Variants in MGAT5 observed in about 807,000 individuals in gnomAD.
The protein encoded by MGAT5 is alpha-1,6-mannosylglycoprotein 6-beta-N-acetylglucosaminyltransferase A.
In MGAT5, 30 loss-of-function variants were observed where a neutral mutation model predicts 94.3. The observed-to-expected ratio is 0.32, with a 90% CI of 0.24 to 0.43. The LOEUF (loss-of-function observed/expected upper bound fraction) is 0.43, where lower values mean the gene tolerates loss of function less well. MGAT5 is among the 20% of genes least tolerant of loss of function. MGAT5 has a pLI of 1.00. For synonymous variants in MGAT5, 310 were observed against 322.9 expected, an observed-to-expected ratio of 0.96 and a Z score of 0.43; for missense variants, 691 against 905.5, an observed-to-expected ratio of 0.76 and a Z score of 3.04.
chr2:134,161,875 T>C (rs1687750114), intron 1 of MGAT5, among the ~76,000 whole-genome samples: 1 of 152,068 alleles, frequency 6.6e-6, no homozygotes, highest in South Asian at 2.1e-4. Context: ...ATTTGGAGAT[T>C]GGTGAAGTGA....
At chr2:134,287,403 G>A (rs1231139621) in intron 2 of MGAT5, among the ~76,000 whole-genome samples, 1 of 152,118 alleles carries the variant, frequency 6.6e-6, no homozygotes, top group Non-Finnish European at 1.5e-5. Context: ...TCATCTGAGA[G>A]TTTTTCTTTT....
intron 1 of MGAT5, among the ~76,000 whole-genome samples, chr2:134,262,148 TG>T (rs1347554379): frequency 1.6e-4 from 24 of 152,376 alleles, no homozygotes; most frequent in African/African-American, 5.5e-4. Context: ...ATAGGCTTGT[TG>T]TAAGGATTAC....
At chr2:134,279,527 A>G (rs141098330) in intron 2 of MGAT5, among the ~76,000 whole-genome samples, 9 of 152,334 alleles carry the variant, frequency 5.9e-5, no homozygotes, top group African/African-American at 2.2e-4. Flanking sequence ...CAAGGAATAC[A>G]TGGCTTGTTT....
intron 2 of MGAT5, among the ~76,000 whole-genome samples, chr2:134,281,319 C>G (rs2105717411): frequency 6.6e-6 from 1 of 152,300 alleles, no homozygotes; most frequent in Non-Finnish European, 1.5e-5. Flanking sequence ...TTTATCCAAC[C>G]TATGCGGACA....
intron 6 of MGAT5, among the ~76,000 whole-genome samples, chr2:134,339,065 T>C (rs1688490088): frequency 6.6e-6 from 1 of 152,168 alleles, no homozygotes; most frequent in Non-Finnish European, 1.5e-5. Context: ...CTAAAAAACT[T>C]AAAAATGAGT....
At chr2:134,288,120 T>G (rs369884562) in intron 2 of MGAT5, among the ~76,000 whole-genome samples, 3 of 152,340 alleles carry the variant, frequency 2.0e-5, no homozygotes, top group African/African-American at 7.2e-5. Context: ...CTCCTTTATT[T>G]TTGCTGGTTT....
intron 1 of MGAT5, among the ~76,000 whole-genome samples, chr2:134,236,509 T>C (rs1257195): frequency 0.67 from 101,157 of 152,030 alleles, 33,737 homozygotes; most frequent in South Asian, 0.69. Context: ...GATAGTGAGT[T>C]CTTACAAGAT....
intron 11 of MGAT5, among the ~76,000 whole-genome samples, chr2:134,405,981 A>G (rs925925763): frequency 3.9e-5 from 6 of 152,238 alleles, no homozygotes; most frequent in African/African-American, 1.2e-4. Flanking sequence ...TAATTGGGGT[A>G]TAAACTTGGA....
intron 9 of MGAT5, among the ~76,000 whole-genome samples, chr2:134,361,815 A>G (rs1680113780): frequency 1.3e-5 from 2 of 152,184 alleles, no homozygotes; most frequent in Admixed American, 6.5e-5. Context: ...ACCTCCTGTT[A>G]TGTAGCTGGG....
In MGAT5 at chr2:134,150,233, T is replaced by C. The variant is rs376336644; in HGVS notation, c.-143+29942T>C. ...CCCTGGCCTCCTAGCGTCTTGATAGTAGTGTGTTTACCCCTATCAGCAAGG... is the reference window on the plus strand; with the variant it reads ...CCCTGGCCTCCTAGCGTCTTGATAGCAGTGTGTTTACCCCTATCAGCAAGG... On this transcript the variant is annotated intron_variant, in intron 1 of 16. Transcript: ENST00000409645. 1.7e-4 allele frequency among the ~76,000 whole-genome samples: 26 copies of C among 152,302 alleles called. 1 individual carries two copies. The East Asian group carries it at 4.8e-3, about 28-fold the overall frequency.
chr2:134,398,995 A>G (rs112084207), intron 10 of MGAT5, among the ~76,000 whole-genome samples: 2,118 of 152,300 alleles, frequency 0.014, 46 homozygotes, highest in African/African-American at 0.047. Context: ...AGTGTTCAAT[A>G]GTAGACAAGG....
chr2:134,344,882 TA>T (rs3214771), intron 7 of MGAT5, 47 bp from the exon 8 acceptor site: 445,030 of 1,599,558 alleles, frequency 0.28, 64,864 homozygotes, highest in Middle Eastern at 0.49. Flanking sequence ...ACCTTTTAAG[TA>T]AATGATTTTT....
intron 1 of MGAT5, among the ~76,000 whole-genome samples, chr2:134,177,582 A>C (rs1688540749): frequency 2.0e-5 from 3 of 152,174 alleles, no homozygotes; most frequent in Admixed American, 6.5e-5. Flanking sequence ...CGTTCTTCTG[A>C]TTCACTGATC....
intron 1 of MGAT5, among the ~76,000 whole-genome samples, chr2:134,178,676 G>A (rs1194882816): frequency 3.3e-5 from 5 of 152,208 alleles, no homozygotes; most frequent in African/African-American, 1.2e-4. Context: ...TGGTGCAAAG[G>A]AAGATAAGTC....
intron 1 of MGAT5, among the ~76,000 whole-genome samples, chr2:134,235,842 G>A (rs1166343340): frequency 6.6e-6 from 1 of 151,854 alleles, no homozygotes; most frequent in Non-Finnish European, 1.5e-5. Flanking sequence ...GGGATAAAAG[G>A]GGAGGGGGCA....
chr2:134,374,413 T>C (rs990740345), intron 10 of MGAT5, among the ~76,000 whole-genome samples: 1 of 152,190 alleles, frequency 6.6e-6, no homozygotes, highest in African/African-American at 2.4e-5. Flanking sequence ...ACAGAGCTTG[T>C]TGATGGAGTT....
chr2:134,380,374 C>A (rs896719802), intron 10 of MGAT5, among the ~76,000 whole-genome samples: 1 of 152,172 alleles, frequency 6.6e-6, no homozygotes, highest in Non-Finnish European at 1.5e-5. Flanking sequence ...AGCCTTTTAA[C>A]GGAAAACAGT....
In MGAT5 at chr2:134,162,133, T is replaced by C. The variant is rs540259747; in HGVS notation, c.-143+41842T>C. On this transcript the variant is annotated intron_variant, in intron 1 of 16. Transcript: ENST00000409645. ...TGAATCCAGGAAGTGGAGGTTGCAGTGAGTCGAGATCACGCCACTGCAGTG... is the reference window on the plus strand; with the variant it reads ...TGAATCCAGGAAGTGGAGGTTGCAGCGAGTCGAGATCACGCCACTGCAGTG... Among the ~76,000 whole-genome samples, 27 of 151,738 alleles carry C rather than the reference T, an allele frequency of 1.8e-4. No homozygotes were observed. In the East Asian group the frequency reaches 3.7e-3, roughly 21 times the overall value.
At chr2:134,195,174 C>T (rs1034076917) in intron 1 of MGAT5, among the ~76,000 whole-genome samples, 2 of 152,160 alleles carry the variant, frequency 1.3e-5, no homozygotes, top group Admixed American at 1.3e-4. Context: ...GTTTGGATTC[C>T]TTCAGGTTCC....
Sources: gnomAD v4.1 joint callset for allele counts (sites outside exome capture counted in the v4.1 genomes callset) on GRCh38, gnomAD v4.1.1 for gene constraint, MANE v1.5 for transcripts, NCBI Gene and HGNC (gene_info 2026-07-23, HGNC 2026-07-21) for gene names.